The following TBC1D31 variants were observed in gnomAD, a reference collection of about 807,000 sequenced individuals.
TBC1D31 encodes the protein WD repeat domain 67.
In TBC1D31, 99 loss-of-function variants were observed where a neutral mutation model predicts 132.9. The observed-to-expected ratio is 0.74, with a 90% CI of 0.63 to 0.88. The LOEUF (loss-of-function observed/expected upper bound fraction) is 0.88. Among genes scored for constraint, TBC1D31 ranks in the 40% least tolerant of loss-of-function variants. The probability of loss-of-function intolerance (pLI) is 0.00; values close to 1 mark genes in which losing one functional copy is unlikely to be tolerated. For synonymous variants in TBC1D31, 385 were observed against 419.4 expected, an observed-to-expected ratio of 0.92 and a Z score of 1.00; for missense variants, 1,134 against 1,256.6, an observed-to-expected ratio of 0.90 and a Z score of 1.48.
At chr8:123,091,749 C>T (rs1056554404) in intron 4 of TBC1D31, among the ~76,000 whole-genome samples, 11 of 152,052 alleles carry the variant, frequency 7.2e-5, no homozygotes, top group African/African-American at 2.4e-4. Flanking sequence ...GAAACTTTTA[C>T]GAGAAAATAT....
the TBC1D31 span, among the ~76,000 whole-genome samples, chr8:123,159,181 C>T: frequency 2.7e-5 from 4 of 150,624 alleles, no homozygotes; most frequent in East Asian, 6.0e-4. Flanking sequence ...GCCCCACTTT[C>T]GGGTGTAGCA....
chr8:123,090,812 G>T (rs1816243862), intron 4 of TBC1D31, among the ~76,000 whole-genome samples: 1 of 152,020 alleles, frequency 6.6e-6, no homozygotes, highest in African/African-American at 2.4e-5. Flanking sequence ...AATTAGCCGG[G>T]CATGTTGGCA....
At position 123,125,920 on chromosome 8, in the gene TBC1D31, T is replaced by C. The variant is rs958064348; in HGVS notation, c.1571-136T>C. 1.2e-5 allele frequency: 8 copies of C among 649,466 alleles called. No individual in the cohort carries two copies. The African/African-American group carries it at 1.3e-4, about 11-fold the overall frequency. 40.2% of individuals were successfully genotyped at this position (649,466 alleles called of 1,614,324 possible). A position where few individuals can be genotyped will look rare whatever the true frequency, so the allele number is the denominator to read the frequency against. On this transcript the variant is annotated intron_variant, in intron 11 of 21. Transcript: ENST00000287380. ...GATAGGATTTTAAAATCGATTGTCA[T>C]ACAATATAAAGAGTTTTTTTTTATT...
chr8:123,131,472 T>C (rs1288738377), intron 16 of TBC1D31, among the ~76,000 whole-genome samples: 1 of 152,028 alleles, frequency 6.6e-6, no homozygotes, highest in Non-Finnish European at 1.5e-5. Context: ...AAAAATGGGA[T>C]TATTCTCATT....
intron 10 of TBC1D31, among the ~76,000 whole-genome samples, chr8:123,118,159 A>G (rs1293113396): frequency 1.3e-5 from 2 of 152,214 alleles, no homozygotes; most frequent in African/African-American, 4.8e-5. Flanking sequence ...GACAAAACAC[A>G]TGTAATGTTG....
chr8:123,083,846 C>T (rs1023396053), intron 3 of TBC1D31: 6 of 216,790 alleles, frequency 2.8e-5, no homozygotes, highest in Non-Finnish European at 4.5e-5. Flanking sequence ...CTTTCTAAAA[C>T]ATAGACTAGA....
At chr8:123,110,645 C>A (rs1015790088) in intron 10 of TBC1D31, among the ~76,000 whole-genome samples, 4 of 152,128 alleles carry the variant, frequency 2.6e-5, no homozygotes, top group Admixed American at 1.3e-4. Flanking sequence ...TCACTCTACA[C>A]CCCACATCCC....
chr8:123,115,269 A>G (rs1818813944), intron 10 of TBC1D31, among the ~76,000 whole-genome samples: 2 of 152,220 alleles, frequency 1.3e-5, no homozygotes, highest in Non-Finnish European at 2.9e-5. Flanking sequence ...AGCATTGAAT[A>G]TGTAACTTCT....
chr8:123,136,872 T>G (rs749655207), intron 17 of TBC1D31, among the ~76,000 whole-genome samples: 1 of 152,230 alleles, frequency 6.6e-6, no homozygotes, highest in Non-Finnish European at 1.5e-5. Context: ...AGTTAAACTA[T>G]TCATCAAAAC....
In TBC1D31 at chr8:123,128,104, C is replaced by T. The variant is rs1820252208; in HGVS notation, c.1885-177C>T. ...ATTTCTTATGATTGTGAAACTCTTA[C>T]ATTTTTTAAATAAATTGTCTTTGTT... On this transcript the variant is annotated intron_variant, in intron 13 of 21. Coordinates refer to ENST00000287380, the MANE Select transcript of TBC1D31 (RefSeq NM_145647.4). 7.1e-6 allele frequency: 3 copies of T among 422,774 alleles called. No individual in the cohort carries two copies. In the Admixed American group the frequency reaches 1.3e-4, roughly 18 times the overall value. 26.2% of individuals were successfully genotyped at this position (422,774 alleles called of 1,614,324 possible). A position where few individuals can be genotyped will look rare whatever the true frequency, so the allele number is the denominator to read the frequency against.
chr8:123,114,537 G>A (rs1249989245), intron 10 of TBC1D31, among the ~76,000 whole-genome samples: 1 of 152,142 alleles, frequency 6.6e-6, no homozygotes, highest in African/African-American at 2.4e-5. Context: ...TGCCAGGCTG[G>A]TCTGGAATTC....
intron 17 of TBC1D31, 60 bp from the exon 18 acceptor site, chr8:123,140,701 C>A (rs1479365922): frequency 2.1e-6 from 3 of 1,405,560 alleles, no homozygotes; most frequent in Non-Finnish European, 2.9e-6. Context: ...TGAAAAAAGT[C>A]ATTTTTGTAT....
At chr8:123,124,937 A>AT (rs1819888562) in intron 11 of TBC1D31, among the ~76,000 whole-genome samples, 1 of 132,264 alleles carries the variant, frequency 7.6e-6, no homozygotes, top group African/African-American at 2.9e-5. Flanking sequence ...ACTCCGTCTC[A>AT]CAAAAAAAAA....
intron 15 of TBC1D31, 60 bp downstream of exon 15, chr8:123,129,278 G>T: frequency 8.3e-7 from 1 of 1,210,076 alleles, no homozygotes; most frequent in Non-Finnish European, 1.1e-6. Flanking sequence ...TAATTTTTAT[G>T]TTCTTTCATT....
At chr8:123,073,979 C>T (rs978937957) in intron 1 of TBC1D31, among the ~76,000 whole-genome samples, 4 of 152,100 alleles carry the variant, frequency 2.6e-5, no homozygotes, top group African/African-American at 9.7e-5. Context: ...AGCCACCGCG[C>T]CCGGCCTCTA....
chr8:123,134,336 A>C lies in TBC1D31; in HGVS notation c.2499+130A>C. The C allele has an allele frequency of 4.5e-6, 3 of 670,922 alleles. No homozygotes were observed. In the South Asian group the frequency reaches 5.8e-5, roughly 13 times the overall value. The allele number at this position is 670,922 out of a possible 1,614,324, so 41.6% of individuals were successfully genotyped here. On this transcript the variant is annotated intron_variant, in intron 17 of 21. Transcript: ENST00000287380. ...CACTTGAGCTAAGGAATTCCAGACC[A>C]GACCTGGGCAATATAGTGAGACCCC... is the stretch of plus-strand genomic sequence containing the variant.
the TBC1D31 span, among the ~76,000 whole-genome samples, chr8:123,162,468 G>A: frequency 4.6e-5 from 7 of 152,112 alleles, no homozygotes; most frequent in Non-Finnish European, 7.4e-5. Flanking sequence ...TCCAGGCCCA[G>A]GTGATGAAAA....
intron 5 of TBC1D31, 121 bp from the exon 6 acceptor site, chr8:123,097,161 A>G: frequency 1.1e-6 from 1 of 947,754 alleles, no homozygotes; most frequent in Non-Finnish European, 1.6e-6. Context: ...ACATGGGACT[A>G]GTGTGACCAT....
chr8:123,134,148 C>A lies in TBC1D31; in HGVS notation c.2441C>A (p.Ala814Asp). ...YMRDREIAAT[A>D]RDLEMRQLEL... ...AGAGATCGAGAAATTGCTGCCACAG[C>A]CAGAGACCTAGAAATGAGACAGCTG... is the stretch of plus-strand genomic sequence containing the variant. Residue 814 changes from alanine (A) to aspartate (D), a missense_variant, in exon 17 of 22, where the codon GCC (alanine) becomes GAC (aspartate). Coordinates refer to ENST00000287380, the MANE Select transcript of TBC1D31 (RefSeq NM_145647.4). 6.2e-7 allele frequency: 1 copy of A among 1,613,842 alleles called. No homozygotes were observed. Among genetic ancestry groups the A allele is most frequent in the Non-Finnish European group, 8.5e-7 (1 of 1,179,880 alleles).
Sources: gnomAD v4.1 joint callset for allele counts (sites outside exome capture counted in the v4.1 genomes callset) on GRCh38, gnomAD v4.1.1 for gene constraint, MANE v1.5 for transcripts, NCBI Gene and HGNC (gene_info 2026-07-23, HGNC 2026-07-21) for gene names.